The following PLCH1 variants were observed in gnomAD, a reference collection of about 807,000 sequenced individuals.
PLCH1 encodes the protein 1-phosphatidylinositol 4,5-bisphosphate phosphodiesterase eta-1.
Under a neutral mutation model 126.7 loss-of-function variants are expected in PLCH1, and 60 were observed. That is an observed-to-expected ratio of 0.47 (90% CI 0.38 to 0.59). The LOEUF is 0.59. PLCH1 is among the 20% of genes least tolerant of loss of function. PLCH1 has a pLI of 0.00. For synonymous variants in PLCH1, 719 were observed against 734.9 expected, an observed-to-expected ratio of 0.98 and a Z score of 0.35; for missense variants, 1,723 against 2,040.0, an observed-to-expected ratio of 0.84 and a Z score of 2.99.
chr3:155,657,055 TAAA>T (rs1167390418), intron 2 of PLCH1, among the ~76,000 whole-genome samples: 2 of 127,530 alleles, frequency 1.6e-5, no homozygotes, highest in African/African-American at 5.6e-5. Flanking sequence ...AGGACAAGTT[TAAA>T]AAAAAAAAAA....
At chr3:155,500,853 T>G in intron 13 of PLCH1, 59 bp from the exon 14 acceptor site, 1 of 1,104,212 alleles carries the variant, frequency 9.1e-7, no homozygotes, top group East Asian at 2.4e-5. Context: ...ATTTACAACA[T>G]GCAGAGAATG....
chr3:155,725,954 A>C (rs1748286570), intron 1 of PLCH1, among the ~76,000 whole-genome samples: 1 of 152,136 alleles, frequency 6.6e-6, no homozygotes, highest in African/African-American at 2.4e-5. Context: ...TTAGCTAGGA[A>C]GTTATCCATT....
At chr3:155,534,329 T>G (rs1436988474) in intron 10 of PLCH1, among the ~76,000 whole-genome samples, 2 of 152,230 alleles carry the variant, frequency 1.3e-5, no homozygotes, top group Non-Finnish European at 2.9e-5. Context: ...AGCTTTAAGA[T>G]TTAATGAGTG....
At chr3:155,509,098 G>C (rs1455880149) in intron 12 of PLCH1, among the ~76,000 whole-genome samples, 1 of 140,300 alleles carries the variant, frequency 7.1e-6, no homozygotes, top group Non-Finnish European at 1.5e-5. Context: ...TGTATGTGTC[G>C]AGGAATGTAT....
intron 2 of PLCH1, among the ~76,000 whole-genome samples, chr3:155,627,969 G>A (rs1737544974): frequency 1.3e-5 from 2 of 151,876 alleles, no homozygotes; most frequent in South Asian, 2.1e-4. Flanking sequence ...GTTTCGCCAT[G>A]TTGGCCAGGT....
At chr3:155,649,925 C>T (rs755595863) in intron 2 of PLCH1, among the ~76,000 whole-genome samples, 1 of 152,042 alleles carries the variant, frequency 6.6e-6, no homozygotes, top group Non-Finnish European at 1.5e-5. Flanking sequence ...TTGCAGTGAG[C>T]CGAGATAGCG....
chr3:155,592,294 C>A (rs1732291853), intron 4 of PLCH1, among the ~76,000 whole-genome samples: 2 of 141,936 alleles, frequency 1.4e-5, no homozygotes, highest in Non-Finnish European at 1.5e-5. Flanking sequence ...ACCATCCTGG[C>A]TAACAGGGTG....
chr3:155,706,316 C>G (rs576859201), intron 1 of PLCH1, among the ~76,000 whole-genome samples: 13 of 149,320 alleles, frequency 8.7e-5, no homozygotes, highest in Admixed American at 2.0e-4. Context: ...GAAACCGTGT[C>G]TCTACTAAAA....
chr3:155,723,840 G>A (rs928454384), intron 1 of PLCH1, among the ~76,000 whole-genome samples: 8 of 151,150 alleles, frequency 5.3e-5, no homozygotes, highest in African/African-American at 1.7e-4. Context: ...TGTAATCCCA[G>A]CTACTCAGGA....
chr3:155,669,746 G>A (rs1743208742), intron 2 of PLCH1, among the ~76,000 whole-genome samples: 2 of 152,134 alleles, frequency 1.3e-5, no homozygotes, highest in Non-Finnish European at 2.9e-5. Context: ...AATACTCATG[G>A]TGTGAGAGGC....
intron 21 of PLCH1, among the ~76,000 whole-genome samples, chr3:155,453,995 T>C (rs12631218): frequency 0.4 from 61,483 of 151,844 alleles, 16,169 homozygotes; most frequent in African/African-American, 0.75. Context: ...TAAGTCAGCC[T>C]AGTGGTTATA....
intron 2 of PLCH1, among the ~76,000 whole-genome samples, chr3:155,692,730 G>A (rs1316976008): frequency 1.3e-5 from 2 of 151,396 alleles, no homozygotes; most frequent in African/African-American, 4.9e-5. Flanking sequence ...TTAGCGAAAT[G>A]AGGATAATAT....
intron 2 of PLCH1, among the ~76,000 whole-genome samples, chr3:155,670,706 T>C (rs1475660592): frequency 2.0e-5 from 3 of 152,132 alleles, no homozygotes; most frequent in Non-Finnish European, 4.4e-5. Context: ...ATTTCTAGAC[T>C]CTTTTTCCCA....
At chr3:155,606,633 A>C (rs944744291) in intron 2 of PLCH1, among the ~76,000 whole-genome samples, 5 of 152,236 alleles carry the variant, frequency 3.3e-5, no homozygotes, top group African/African-American at 1.2e-4. Context: ...TTACCACAGG[A>C]AAATACTCCT....
intron 11 of PLCH1, among the ~76,000 whole-genome samples, chr3:155,522,900 A>G (rs1721305425): frequency 7.4e-6 from 1 of 135,130 alleles, no homozygotes; most frequent in Non-Finnish European, 1.5e-5. Context: ...TTTAAGTCTT[A>G]TATTTCCCTC....
chr3:155,572,234 C>T (rs911466312), intron 6 of PLCH1, among the ~76,000 whole-genome samples: 2 of 152,076 alleles, frequency 1.3e-5, no homozygotes, highest in South Asian at 4.1e-4. Flanking sequence ...TTATTTATTT[C>T]CCTCATGTGT....
chr3:155,476,785 T>C (rs913835966), downstream of PLCH1, among the ~76,000 whole-genome samples: 2 of 152,154 alleles, frequency 1.3e-5, no homozygotes, highest in African/African-American at 4.8e-5. Context: ...TCCATATTCA[T>C]GGATTGGAAG....
At chr3:155,621,014 C>T (rs1030061817) in intron 2 of PLCH1, among the ~76,000 whole-genome samples, 1 of 152,194 alleles carries the variant, frequency 6.6e-6, no homozygotes, top group African/African-American at 2.4e-5. Flanking sequence ...CAGGATAGCC[C>T]TGGCTCGCAT....
chr3:155,551,993 C>G (rs910386052), intron 9 of PLCH1, among the ~76,000 whole-genome samples: 3 of 152,146 alleles, frequency 2.0e-5, no homozygotes, highest in Admixed American at 2.0e-4. Context: ...TGGCTAGGAC[C>G]TGTAGAAATC....
Sources: gnomAD v4.1 joint callset for allele counts (sites outside exome capture counted in the v4.1 genomes callset) on GRCh38, gnomAD v4.1.1 for gene constraint, MANE v1.5 for transcripts, NCBI Gene and HGNC (gene_info 2026-07-23, HGNC 2026-07-21) for gene names.